The following DLGAP4 variants were observed in gnomAD, a reference collection of about 807,000 sequenced individuals.
DLGAP4 encodes DLG associated protein 4.
DLGAP4 carries 18 observed loss-of-function variants against 86.9 expected under a neutral mutation model. The observed-to-expected ratio is 0.21, with a 90% CI of 0.14 to 0.31. The LOEUF is 0.31. Ranked by LOEUF, DLGAP4 falls within the 10% of genes least tolerant of loss-of-function variation. DLGAP4 has a pLI of 1.00. For missense variants in DLGAP4, 1,085 were observed against 1,362.6 expected, an observed-to-expected ratio of 0.80 and a Z score of 3.21; for synonymous variants, 548 against 574.3, an observed-to-expected ratio of 0.95 and a Z score of 0.65.
chr20:36,333,134 G>C (rs933475489), intron 1 of DLGAP4, among the ~76,000 whole-genome samples: 1 of 152,056 alleles, frequency 6.6e-6, no homozygotes, highest in African/African-American at 2.4e-5. Context: ...AAGTTGTGGG[G>C]GCTTCAGAGA....
chr20:36,391,913 C>T (rs2147465726), intron 2 of DLGAP4, among the ~76,000 whole-genome samples: 1 of 152,350 alleles, frequency 6.6e-6, no homozygotes, highest in East Asian at 1.9e-4. Context: ...ATCCAGAAAT[C>T]TCAGTTAAAT....
intron 10 of DLGAP4, among the ~76,000 whole-genome samples, chr20:36,509,309 G>C (rs1452464302): frequency 1.3e-5 from 2 of 152,150 alleles, no homozygotes; most frequent in African/African-American, 4.8e-5. Context: ...AGTGGCTCAT[G>C]CTTATAATCC....
chr20:36,499,060 T>A, intron 8 of DLGAP4: 1 of 611,020 alleles, frequency 1.6e-6, no homozygotes, highest in Non-Finnish European at 2.9e-6. Flanking sequence ...GGGTTTGCCC[T>A]TAGTGCAGGC....
In DLGAP4 at chr20:36,496,785, A is replaced by C. The variant is rs1348869045; in HGVS notation, c.1729A>C (p.Thr577Pro). 6.2e-7 allele frequency: 1 copy of C among 1,614,002 alleles called. No homozygotes were observed. The highest frequency in any genetic ancestry group is 1.3e-5 in the African/African-American group (1 of 74,912). Residue 577 changes from threonine (T) to proline (P), a missense_variant, in exon 8 of 13, where the codon ACA becomes CCA. Around this residue, in one of 2 missense-constraint regions of DLGAP4, gnomAD observed 1,082 missense variants for 1,344.1 expected, o/e 0.81. Coordinates refer to ENST00000339266, the MANE Select transcript of DLGAP4 (RefSeq NM_001365621.2). ...CACTTCAAAGCCGTTCATCTCAGTC[A>C]CAGTCCAGAGCAGTACTGAGTCTGC... ...RTTSKPFISV[T>P]VQSSTESAQD...
At chr20:36,409,744 C>A (rs1375150179) in intron 2 of DLGAP4, among the ~76,000 whole-genome samples, 2 of 150,302 alleles carry the variant, frequency 1.3e-5, no homozygotes, top group Non-Finnish European at 3.0e-5. Context: ...ATAAAAAGCC[C>A]TCCTCCTGGC....
intron 10 of DLGAP4, among the ~76,000 whole-genome samples, chr20:36,511,757 C>T (rs2036707372): frequency 6.6e-6 from 1 of 151,282 alleles, no homozygotes; most frequent in Non-Finnish European, 1.5e-5. Flanking sequence ...CACCTGTAAT[C>T]TCGGCTACTT....
In DLGAP4 at chr20:36,344,138, A is replaced by T. The variant is rs569873166; in HGVS notation, c.-303-22907A>T. Among the ~76,000 whole-genome samples the T allele has an allele frequency of 1.1e-4, 16 of 152,290 alleles. No individual in the cohort carries two copies. In the East Asian group the frequency reaches 3.1e-3, roughly 29 times the overall value. ...TGGTCCTCACTTCCCCCATCTGAAC[A>T]GTGGGAGTGTGGTGGGATAGATTCA... On this transcript the variant is annotated intron_variant, in intron 1 of 12. Transcript: ENST00000339266.
chr20:36,450,183 G>T (rs1436317974), intron 7 of DLGAP4, among the ~76,000 whole-genome samples: 3 of 152,134 alleles, frequency 2.0e-5, no homozygotes, highest in African/African-American at 7.2e-5. Context: ...GGCAAAGGGT[G>T]TGGCCACAGG....
At chr20:36,340,670 C>T (rs916530025) in intron 1 of DLGAP4, among the ~76,000 whole-genome samples, 13 of 152,248 alleles carry the variant, frequency 8.5e-5, no homozygotes, top group African/African-American at 2.4e-4. Context: ...AGTTCCTGGG[C>T]GGCAGGGCTG....
chr20:36,335,028 G>T (rs1600407992), intron 1 of DLGAP4, among the ~76,000 whole-genome samples: 1 of 152,140 alleles, frequency 6.6e-6, no homozygotes, highest in South Asian at 2.1e-4. Context: ...TGCTGTTAAT[G>T]GTTTGAAAAG....
rs745815364 is a variant in DLGAP4, at chr20:36,508,422, C to CTTTTTTTT, written c.2512+7827_2512+7834dup. The stretch of plus-strand genomic sequence containing the variant: ...ATTTTCCTACTGATGTTTCAGGGTT[C>CTTTTTTTT]TTTTTTTTTTTTTTTTTTTTTTTGA... On this transcript the variant is annotated intron_variant, in intron 10 of 12. Transcript: ENST00000339266. 1.2e-3 allele frequency: 114 copies of CTTTTTTTT among 94,440 alleles called. 2 individuals are homozygous for CTTTTTTTT. Among genetic ancestry groups the CTTTTTTTT allele is most frequent in the African/African-American group, 3.1e-3 (72 of 23,580 alleles). The allele number at this position is 94,440 out of a possible 1,614,324, so 5.9% of individuals were successfully genotyped here.
chr20:36,502,163 G>A lies in DLGAP4; in HGVS notation c.2512+1552G>A, dbSNP rs191450486. Among the ~76,000 whole-genome samples the A allele has an allele frequency of 2.4e-3, 368 of 152,190 alleles. 4 individuals are homozygous for A. Among genetic ancestry groups the A allele is most frequent in the African/African-American group, 8.6e-3 (356 of 41,502 alleles). On this transcript the variant is annotated intron_variant, in intron 10 of 12. Transcript: ENST00000339266. The stretch of plus-strand genomic sequence containing the variant: ...TCTGTCTCCCTTTCTCCCACCCTCT[G>A]TGTACATCACAGTTTATGATAAATA...
chr20:36,494,903 C>T (rs2035813432), intron 7 of DLGAP4, among the ~76,000 whole-genome samples: 1 of 151,230 alleles, frequency 6.6e-6, no homozygotes, highest in African/African-American at 2.4e-5. Context: ...CCCTTGAGTC[C>T]AGGAGTTCGA....
chr20:36,440,516 A>G (rs561937907), intron 5 of DLGAP4, among the ~76,000 whole-genome samples: 1 of 152,212 alleles, frequency 6.6e-6, no homozygotes, highest in East Asian at 1.9e-4. Context: ...CACCCTCTCA[A>G]CCATCAGCTC....
intron 7 of DLGAP4, among the ~76,000 whole-genome samples, chr20:36,477,242 C>T (rs764900752): frequency 4.0e-5 from 6 of 151,526 alleles, no homozygotes; most frequent in Non-Finnish European, 7.4e-5. Flanking sequence ...ATTACAGGCA[C>T]CCGCCACCAC....
chr20:36,392,747 G>A (rs185030322), intron 2 of DLGAP4, among the ~76,000 whole-genome samples: 1 of 152,342 alleles, frequency 6.6e-6, no homozygotes, highest in East Asian at 1.9e-4. Flanking sequence ...ACTGTTTCAG[G>A]CCCCAGGCTA....
In DLGAP4 at chr20:36,527,980, C is replaced by T. The variant is rs1229932920; in HGVS notation, c.*949C>T. The T allele has an allele frequency of 2.0e-5, 3 of 152,582 alleles. No homozygotes were observed. In the East Asian group the frequency reaches 5.8e-4, roughly 29 times the overall value. The allele number at this position is 152,582 out of a possible 1,614,324, so 9.5% of individuals were successfully genotyped here. On this transcript the variant is annotated 3_prime_UTR_variant, in exon 13 of 13. Coordinates refer to ENST00000339266, the MANE Select transcript of DLGAP4 (RefSeq NM_001365621.2). Reference sequence around the variant, plus strand: ...CTTAGAGTGTATAGTTAACAAACGCCCATCTGCTCACCCATGCCCACCCAG... The same window carrying T: ...CTTAGAGTGTATAGTTAACAAACGCTCATCTGCTCACCCATGCCCACCCAG...
At chr20:36,467,064 C>CTCTCTCTCTCTCTCTCTCCCCCTCTCT (rs1555907464) in intron 7 of DLGAP4, among the ~76,000 whole-genome samples, 1 of 118,168 alleles carries the variant, frequency 8.5e-6, no homozygotes, top group African/African-American at 4.9e-5. Context: ...CTCTCTCTCT[C>CTCTCTCTCTCTCTCTCTCCCCCTCTCT]CCCCCCCCTT....
At chr20:36,337,088 T>C (rs1254816466) in intron 1 of DLGAP4, among the ~76,000 whole-genome samples, 1 of 151,960 alleles carries the variant, frequency 6.6e-6, no homozygotes, top group Non-Finnish European at 1.5e-5. Flanking sequence ...CATTTCCCCA[T>C]GGTGGGTGGG....
Sources: gnomAD v4.1 joint callset for allele counts (sites outside exome capture counted in the v4.1 genomes callset) on GRCh38, gnomAD v4.1.1 for gene constraint, gnomAD v4.1.1 regional missense constraint, MANE v1.5 for transcripts, NCBI Gene and HGNC (gene_info 2026-07-23, HGNC 2026-07-21) for gene names.